Variants in RABGAP1L observed in about 807,000 individuals in gnomAD.
RABGAP1L encodes the protein rab GTPase-activating protein 1-like.
RABGAP1L carries 63 observed loss-of-function variants against 137.7 expected under a neutral mutation model. The ratio of observed to expected loss-of-function variants is 0.46; its 90% CI spans 0.37 to 0.56. RABGAP1L has a LOEUF of 0.56. Ranked by LOEUF, RABGAP1L falls within the 20% of genes least tolerant of loss-of-function variation. The pLI, the probability that RABGAP1L is intolerant of heterozygous loss-of-function variation, is 0.00. For missense variants in RABGAP1L, 1,095 were observed against 1,244.0 expected (o/e 0.88, Z 1.80); for synonymous variants, 431 against 433.7 (o/e 0.99, Z 0.08).
chr1:174,240,941 TG>T (rs1386660302), intron 4 of RABGAP1L, among the ~76,000 whole-genome samples: 15 of 32,890 alleles, frequency 4.6e-4, no homozygotes, highest in Non-Finnish European at 6.7e-4. Flanking sequence ...TGTGTGTTTG[TG>T]TGTGTGTGTG....
chr1:174,789,182 C>T (rs909673257), intron 18 of RABGAP1L, among the ~76,000 whole-genome samples: 10 of 152,184 alleles, frequency 6.6e-5, no homozygotes, highest in Admixed American at 2.6e-4. Flanking sequence ...CAGCTACTTG[C>T]ATGTCTAAAA....
At chr1:174,726,074 A>G (rs1681958574) in intron 17 of RABGAP1L, among the ~76,000 whole-genome samples, 1 of 152,178 alleles carries the variant, frequency 6.6e-6, no homozygotes. Context: ...TGATAATTCA[A>G]TACCATGAAT....
intron 14 of RABGAP1L, among the ~76,000 whole-genome samples, chr1:174,668,317 G>A (rs942456016): frequency 4.6e-5 from 7 of 152,072 alleles, no homozygotes; most frequent in African/African-American, 2.4e-5. Flanking sequence ...AATTCAATGA[G>A]GTCAACTTTT....
intron 12 of RABGAP1L, among the ~76,000 whole-genome samples, chr1:174,387,544 T>C (rs2149066422): frequency 7.4e-6 from 1 of 135,204 alleles, no homozygotes; most frequent in South Asian, 2.3e-4. Flanking sequence ...CATTGGGTTT[T>C]TCTTTTTTTT....
Position 174,631,986 on chromosome 1 carries a change from T to A in RABGAP1L, c.1711-5389T>A, listed in dbSNP as rs1174904800. On this transcript the variant is annotated intron_variant, in intron 13 of 25. Coordinates refer to ENST00000681986, the MANE Select transcript of RABGAP1L (RefSeq NM_001366446.1). The stretch of plus-strand genomic sequence containing the variant: ...GTTAGTTGATGCAGTTTCTTCCTAG[T>A]CTCGATGGTCTTTACATTTTGGCAT... Among the ~76,000 whole-genome samples, 7 of 96,832 alleles carry A rather than the reference T, an allele frequency of 7.2e-5. No homozygotes were observed. In the East Asian group the frequency reaches 8.4e-4, roughly 12 times the overall value. The allele number at this position is 96,832 out of a possible 152,430, so 63.5% of individuals were successfully genotyped here.
chr1:174,653,922 C>T (rs1258153912), intron 14 of RABGAP1L, among the ~76,000 whole-genome samples: 1 of 152,092 alleles, frequency 6.6e-6, no homozygotes, highest in Non-Finnish European at 1.5e-5. Flanking sequence ...TTCAGATCCT[C>T]TGAGAAGCCT....
chr1:174,269,297 A>G (rs1674354404), intron 7 of RABGAP1L, among the ~76,000 whole-genome samples: 1 of 152,264 alleles, frequency 6.6e-6, no homozygotes, highest in African/African-American at 2.4e-5. Flanking sequence ...TGAACATGAA[A>G]GCAAGTATTT....
intron 13 of RABGAP1L, among the ~76,000 whole-genome samples, chr1:174,533,580 T>G (rs1455920231): frequency 6.6e-6 from 1 of 152,220 alleles, no homozygotes; most frequent in Non-Finnish European, 1.5e-5. Flanking sequence ...TTTCTCTTCC[T>G]TATGATTTTC....
intron 13 of RABGAP1L, among the ~76,000 whole-genome samples, chr1:174,478,380 C>T (rs1658730694): frequency 6.6e-6 from 1 of 151,880 alleles, no homozygotes; most frequent in South Asian, 2.1e-4. Flanking sequence ...AAGCAATCTT[C>T]CTGCCTTAGT....
intron 19 of RABGAP1L, among the ~76,000 whole-genome samples, chr1:174,890,067 A>G (rs761897236): frequency 6.6e-6 from 1 of 152,204 alleles, no homozygotes; most frequent in African/African-American, 2.4e-5. Flanking sequence ...AAATCAAACA[A>G]ACGAACAAAA....
chr1:174,574,853 G>A (rs1033231022), intron 13 of RABGAP1L, among the ~76,000 whole-genome samples: 6 of 152,186 alleles, frequency 3.9e-5, no homozygotes. Context: ...AGAAATCAGT[G>A]AAGCTTTTCA....
intron 19 of RABGAP1L, among the ~76,000 whole-genome samples, chr1:174,908,537 CTTTTTTTTTT>C (rs774387616): frequency 6.4e-5 from 6 of 94,384 alleles, no homozygotes; most frequent in South Asian, 3.5e-4. Context: ...ACAACATATT[CTTTTTTTTTT>C]TTTTTTTTTT....
At chr1:174,439,015 T>C (rs1024051652) in intron 13 of RABGAP1L, among the ~76,000 whole-genome samples, 1 of 151,662 alleles carries the variant, frequency 6.6e-6, no homozygotes, top group African/African-American at 2.4e-5. Flanking sequence ...TAGTATTTCT[T>C]ATGTGCACAA....
intron 13 of RABGAP1L, among the ~76,000 whole-genome samples, chr1:174,587,248 C>G (rs1457769165): frequency 7.8e-6 from 1 of 128,094 alleles, no homozygotes; most frequent in African/African-American, 3.0e-5. Flanking sequence ...ATTTATGGTC[C>G]TTTGGGTATA....
chr1:174,531,955 A>G (rs1420376428), intron 13 of RABGAP1L, among the ~76,000 whole-genome samples: 1 of 152,196 alleles, frequency 6.6e-6, no homozygotes, highest in East Asian at 1.9e-4. Flanking sequence ...TAGCAAAATT[A>G]CCAATTATGA....
intron 11 of RABGAP1L, among the ~76,000 whole-genome samples, chr1:174,366,723 C>T (rs1295479144): frequency 6.8e-6 from 1 of 146,232 alleles, no homozygotes. Flanking sequence ...TGCAGTGAGC[C>T]GAGATGGTGC....
intron 11 of RABGAP1L, among the ~76,000 whole-genome samples, chr1:174,308,271 A>G (rs569494498): frequency 9.9e-5 from 15 of 152,062 alleles, no homozygotes; most frequent in African/African-American, 3.4e-4. Context: ...ACATATACAT[A>G]TATGCATATA....
At chr1:174,545,718 C>G (rs897329802) in intron 13 of RABGAP1L, 1 of 152,598 alleles carries the variant, frequency 6.6e-6, no homozygotes. Flanking sequence ...CATCTTGGAA[C>G]CTCGGTTCAA....
chr1:174,718,089 C>G (rs959313825), intron 17 of RABGAP1L, among the ~76,000 whole-genome samples: 3 of 152,192 alleles, frequency 2.0e-5, no homozygotes, highest in Admixed American at 1.3e-4. Context: ...AGCTTTCTTT[C>G]TCCTTACTTA....
Sources: gnomAD v4.1 joint callset for allele counts (sites outside exome capture counted in the v4.1 genomes callset) on GRCh38, gnomAD v4.1.1 for gene constraint, MANE v1.5 for transcripts, NCBI Gene and HGNC (gene_info 2026-07-23, HGNC 2026-07-21) for gene names.